Variants in SLC15A4 observed in about 807,000 individuals in gnomAD.
The protein encoded by SLC15A4 is hPHT1.
Under a neutral mutation model 46.1 loss-of-function variants are expected in SLC15A4, and 26 were observed. The observed-to-expected ratio is 0.56, with a 90% CI of 0.41 to 0.78. The LOEUF (loss-of-function observed/expected upper bound fraction) is 0.78. SLC15A4 is among the 30% of genes least tolerant of loss of function. The probability of loss-of-function intolerance (pLI) is 0.00; values close to 1 mark genes in which losing one functional copy is unlikely to be tolerated. For missense variants in SLC15A4, 751 were observed against 755.7 expected (o/e 0.99, Z 0.07); for synonymous variants, 370 against 333.4 (o/e 1.11, Z -1.20).
intron 5 of SLC15A4, among the ~76,000 whole-genome samples, chr12:128,802,995 G>C (rs1029631151): frequency 2.6e-5 from 4 of 152,146 alleles, no homozygotes; most frequent in African/African-American, 7.2e-5. Flanking sequence ...GAACAACTGA[G>C]AGCCCTGGAG....
rs1955719709 is a variant in SLC15A4, at chr12:128,814,636, T to C, written c.842+139A>G. The C allele has an allele frequency of 1.1e-5, 9 of 839,992 alleles. No homozygotes were observed. The Admixed American group carries it at 1.3e-4, about 12-fold the overall frequency. 52.0% of individuals were successfully genotyped at this position (839,992 alleles called of 1,614,324 possible). A position where few individuals can be genotyped will look rare whatever the true frequency, so the allele number is the denominator to read the frequency against. On this transcript the variant is annotated intron_variant, in intron 2 of 7. Transcript: ENST00000266771. The stretch of plus-strand genomic sequence containing the variant: ...CACCCGCCTCCTTGGGGAAATGCAG[T>C]GTTAAAGGAGAGAAGACATGTAAAC...
intron 7 of SLC15A4, 94 bp downstream of exon 7, chr12:128,799,165 C>CAT: frequency 7.0e-7 from 1 of 1,434,496 alleles, no homozygotes; most frequent in South Asian, 1.2e-5. Context: ...AGGCCATCCA[C>CAT]GTGAAAACAC....
intron 6 of SLC15A4, 140 bp from the exon 7 acceptor site, chr12:128,799,557 T>C (rs1209290720): frequency 1.2e-6 from 1 of 828,508 alleles, no homozygotes; most frequent in African/African-American, 1.7e-5. Flanking sequence ...CTCTTTTCTA[T>C]TAGGAGGACG....
At chr12:128,815,192 TCAAA>T in intron 1 of SLC15A4, 122 bp from the exon 2 acceptor site, 1 of 928,818 alleles carries the variant, frequency 1.1e-6, no homozygotes, top group Non-Finnish European at 1.6e-6. Flanking sequence ...CGCAACACAA[TCAAA>T]ATTGTGTTTA....
At position 128,794,056 on chromosome 12, in the gene SLC15A4, A is replaced by G; in HGVS notation, c.*140T>C. ...ACCAAGCTCCTTTGGATAGAGGGAA[A>G]GAAGAAATCAATCCAGGCAACATGC... On this transcript the variant is annotated 3_prime_UTR_variant, in exon 8 of 8. Transcript: ENST00000266771. The G allele has an allele frequency of 1.2e-6, 1 of 866,892 alleles. No individual in the cohort carries two copies. Among genetic ancestry groups the G allele is most frequent in the Non-Finnish European group, 1.7e-6 (1 of 573,058 alleles). 53.7% of individuals were successfully genotyped at this position (866,892 alleles called of 1,614,324 possible).
Position 128,823,411 on chromosome 12 carries a change from A to C in SLC15A4, c.533T>G (p.Phe178Cys). Residue 178 changes from phenylalanine to cysteine, a missense_variant, in exon 1 of 8, where the codon TTC becomes TGC. Phe to Cys is a radical substitution (Grantham distance 205). Coordinates refer to ENST00000266771, the MANE Select transcript of SLC15A4 (RefSeq NM_145648.4). ...VATVKANITP[F>C]GADQVKDRGP... ...GGCGCGGCTCACCTGGTCGGCGCCG[A>C]AGGGCGTGATGTTGGCCTTGACGGT... 6.9e-7 allele frequency: 1 copy of C among 1,444,150 alleles called. No homozygotes were observed. The allele number at this position is 1,444,150 out of a possible 1,614,324, so 89.5% of individuals were successfully genotyped here.
At chr12:128,821,704 G>C (rs1031288537) in intron 1 of SLC15A4, among the ~76,000 whole-genome samples, 2 of 152,016 alleles carry the variant, frequency 1.3e-5, no homozygotes, top group African/African-American at 4.8e-5. Flanking sequence ...TGGCCAACAC[G>C]GTGAAACCCC....
In SLC15A4 at chr12:128,823,394, T is replaced by A; in HGVS notation, c.546+4A>T. 7.1e-7 allele frequency: 1 copy of A among 1,416,642 alleles called. No individual in the cohort carries two copies. The highest frequency in any genetic ancestry group is 9.2e-7 in the Non-Finnish European group (1 of 1,091,674). The allele number at this position is 1,416,642 out of a possible 1,614,324, so 87.8% of individuals were successfully genotyped here. ...CAGGGACAGCGCGCGGGGGCGCGGCTCACCTGGTCGGCGCCGAAGGGCGTG... is the reference window on the plus strand; with the variant it reads ...CAGGGACAGCGCGCGGGGGCGCGGCACACCTGGTCGGCGCCGAAGGGCGTG... On this transcript the variant is annotated splice_donor_region_variant and intron_variant, in intron 1 of 7. Coordinates refer to ENST00000266771, the MANE Select transcript of SLC15A4 (RefSeq NM_145648.4).
chr12:128,800,871 A>T lies in SLC15A4; in HGVS notation c.1397T>A (p.Ile466Asn). ...GTCCTCACCTGCGATACTTGCAAAG[A>T]TCTCGCTGATCCCAATCAGCAAGTA... is the stretch of plus-strand genomic sequence containing the variant. ...PQYLLIGISEIFASIAGLEFA... is the reference protein window; with the variant it reads ...PQYLLIGISENFASIAGLEFA... The change falls in exon 6 of 8, where the codon ATC (isoleucine) becomes AAC (asparagine). Residue 466 changes from isoleucine to asparagine, a missense_variant. Coordinates refer to ENST00000266771, the MANE Select transcript of SLC15A4 (RefSeq NM_145648.4). The T allele has an allele frequency of 6.2e-7, 1 of 1,612,808 alleles. No individual in the cohort carries two copies. The highest frequency in any genetic ancestry group is 1.1e-5 in the South Asian group (1 of 90,814).
Position 128,823,815 on chromosome 12 carries a change from C to T in SLC15A4, c.129G>A (p.Thr43=), listed in dbSNP as rs77641168. The T allele has an allele frequency of 2.8e-4, 419 of 1,478,746 alleles. No individual in the cohort carries two copies. In the African/African-American group the frequency reaches 5.0e-3, roughly 18 times the overall value. The allele number at this position is 1,478,746 out of a possible 1,614,324, so 91.6% of individuals were successfully genotyped here. A position where few individuals can be genotyped will look rare whatever the true frequency, so the allele number is the denominator to read the frequency against. ...RRAACGAVLL[T]ELLERAAFYG... ...AGAAAGCGGCGCGCTCCAGCAGCTC[C>T]GTCAGCAGCACGGCCCCGCACGCCG... Residue 43 remains threonine, a synonymous_variant, in exon 1 of 8, where the codon ACG becomes ACA. Transcript: ENST00000266771.
intron 1 of SLC15A4, among the ~76,000 whole-genome samples, chr12:128,818,795 C>A (rs1955793183): frequency 6.6e-6 from 1 of 152,188 alleles, no homozygotes; most frequent in Admixed American, 6.5e-5. Flanking sequence ...CCCGTGGCAA[C>A]CCTTAATCTA....
At chr12:128,819,569 T>C (rs1955806551) in intron 1 of SLC15A4, 1 of 151,982 alleles carries the variant, frequency 6.6e-6, no homozygotes, top group Admixed American at 6.6e-5. Flanking sequence ...TAATAGGCGG[T>C]CTACAAACTA....
intron 1 of SLC15A4, 73 bp downstream of exon 1, chr12:128,823,325 G>T: frequency 1.5e-6 from 2 of 1,290,390 alleles, no homozygotes; most frequent in Non-Finnish European, 2.0e-6. Flanking sequence ...GGCAGGGACT[G>T]GGGCAGGGGA....
chr12:128,802,426 T>C (rs922085514), intron 5 of SLC15A4, among the ~76,000 whole-genome samples: 6 of 152,078 alleles, frequency 3.9e-5, no homozygotes, highest in Non-Finnish European at 5.9e-5. Context: ...CCTGGGACCA[T>C]AGCTGACTAC....
intron 1 of SLC15A4, chr12:128,819,718 G>C (rs1431086649): frequency 6.6e-6 from 1 of 152,244 alleles, no homozygotes; most frequent in Non-Finnish European, 1.5e-5. Flanking sequence ...TACGTCGGAA[G>C]AGATCAGGCC....
Position 128,800,907 on chromosome 12 carries a change from T to C in SLC15A4, c.1361A>G (p.Gln454Arg). ...CCCAATCAGCAAGTACTGCGGCACC[T>C]GCCACCACAGCGACAGATCGGCAGC... is the stretch of plus-strand genomic sequence containing the variant. ...YHAADLSLWW[Q>R]VPQYLLIGIS... is the part of the protein sequence containing the mutation. The change falls in exon 6 of 8, where the codon CAG becomes CGG. Residue 454 changes from glutamine to arginine, a missense_variant. Coordinates refer to ENST00000266771, the MANE Select transcript of SLC15A4 (RefSeq NM_145648.4). The C allele has an allele frequency of 1.2e-6, 2 of 1,614,116 alleles. No homozygotes were observed. Among genetic ancestry groups the C allele is most frequent in the Non-Finnish European group, 1.7e-6 (2 of 1,180,026 alleles).
At chr12:128,809,318 A>T in intron 4 of SLC15A4, 78 bp downstream of exon 4, 5 of 911,878 alleles carry the variant, frequency 5.5e-6, no homozygotes, top group Non-Finnish European at 5.1e-6. Flanking sequence ...TTTATAAAAG[A>T]TTTACAGTTG....
intron 2 of SLC15A4, chr12:128,810,453 C>T (rs1955642566): frequency 3.4e-6 from 1 of 292,574 alleles, no homozygotes; most frequent in Non-Finnish European, 6.5e-6. Context: ...TGGGGAGAGT[C>T]TGCAGCTCTA....
chr12:128,802,675 A>T (rs4760593), intron 5 of SLC15A4, among the ~76,000 whole-genome samples: 2 of 151,980 alleles, frequency 1.3e-5, no homozygotes, highest in African/African-American at 4.8e-5. Context: ...TGCTACTGGC[A>T]TAGTTCTACC....
Sources: gnomAD v4.1 joint callset for allele counts (sites outside exome capture counted in the v4.1 genomes callset) on GRCh38, gnomAD v4.1.1 for gene constraint, MANE v1.5 for transcripts, NCBI Gene and HGNC (gene_info 2026-07-23, HGNC 2026-07-21) for gene names.